STK36: variants seen among roughly 807,000 people sequenced by gnomAD.
STK36 encodes the protein serine/threonine kinase 36.
Under a neutral mutation model 142.2 loss-of-function variants are expected in STK36, and 116 were observed. That is an observed-to-expected ratio of 0.82 (90% CI 0.70 to 0.95). The LOEUF is 0.95. Ranked by LOEUF, STK36 falls within the 40% of genes least tolerant of loss-of-function variation. The pLI is 0.00. For missense variants in STK36, 1,422 were observed against 1,617.2 expected (o/e 0.88, Z 2.07); for synonymous variants, 619 against 641.7 (o/e 0.96, Z 0.53).
At chr2:218,699,505 A>G (rs928928667) in intron 26 of STK36, among the ~76,000 whole-genome samples, 157 bp downstream of exon 26, 7 of 151,436 alleles carry the variant, frequency 4.6e-5, no homozygotes, top group African/African-American at 1.7e-4. Context: ...TTCTAGTTAC[A>G]TCTCCTGCCT....
intron 4 of STK36, 113 bp from the exon 5 acceptor site, chr2:218,675,230 A>G: frequency 8.4e-7 from 1 of 1,193,100 alleles, no homozygotes; most frequent in Non-Finnish European, 1.2e-6. Context: ...GAAGCTCTGC[A>G]AGAAAGGGAA....
At chr2:218,680,942 TATTA>T (rs761212556) in intron 10 of STK36, among the ~76,000 whole-genome samples, 60 of 152,358 alleles carry the variant, frequency 3.9e-4, no homozygotes, top group South Asian at 2.9e-3. Context: ...TGACCAGTGT[TATTA>T]ATTTAGTCCG....
intron 12 of STK36, 131 bp from the exon 13 acceptor site, chr2:218,689,728 C>G: frequency 1.4e-6 from 1 of 731,054 alleles, no homozygotes; most frequent in Non-Finnish European, 2.2e-6. Flanking sequence ...CTCTCTCTGC[C>G]TATACTTCTC....
Position 218,672,187 on chromosome 2 carries a change from ACTT to A in STK36, c.-115_-113del. The A allele has an allele frequency of 1.7e-6, 1 of 596,666 alleles. No homozygotes were observed. The highest frequency in any genetic ancestry group is 3.0e-6 in the Non-Finnish European group (1 of 335,096). 37.0% of individuals were successfully genotyped at this position (596,666 alleles called of 1,614,324 possible). A position where few individuals can be genotyped will look rare whatever the true frequency, so the allele number is the denominator to read the frequency against. ...ACCTCTGAGCGCCTTTGTCCTCTGAACTTCTCACCAGTTCTAGCGAGTAAAATT... is the reference window on the plus strand; with the variant it reads ...ACCTCTGAGCGCCTTTGTCCTCTGAACTCACCAGTTCTAGCGAGTAAAATT... On this transcript the variant is annotated 5_prime_UTR_variant, in exon 1 of 27. Transcript: ENST00000295709.
chr2:218,683,541 G>T (rs1041534152), intron 10 of STK36, among the ~76,000 whole-genome samples: 6 of 152,062 alleles, frequency 3.9e-5, no homozygotes, highest in African/African-American at 1.4e-4. Context: ...TTGAAGTGCT[G>T]GGATTACAGG....
rs1043608022 is a variant in STK36 at position 218,686,739 on chromosome 2, T to C, written c.1380+1511T>C. On this transcript the variant is annotated intron_variant, in intron 11 of 26. Coordinates refer to ENST00000295709, the MANE Select transcript of STK36 (RefSeq NM_015690.5). ...GCTGCTATGAACATTCACAAGCAAG[T>C]CTATGTATGGATAAATGTTTTTATT... is the stretch of plus-strand genomic sequence containing the variant. Among the ~76,000 whole-genome samples the C allele has an allele frequency of 2.6e-4, 40 of 152,354 alleles. 1 individual carries two copies. Among genetic ancestry groups the C allele is most frequent in the Non-Finnish European group, 4.0e-4 (27 of 68,030 alleles).
intron 9 of STK36, 108 bp downstream of exon 9, chr2:218,680,188 T>A: frequency 3.9e-6 from 4 of 1,038,820 alleles, no homozygotes; most frequent in Non-Finnish European, 5.7e-6. Flanking sequence ...TGCCTAAACA[T>A]GGATAGAGCC....
chr2:218,682,452 C>G (rs1032904154), intron 10 of STK36, among the ~76,000 whole-genome samples: 1 of 152,284 alleles, frequency 6.6e-6, no homozygotes, highest in South Asian at 2.1e-4. Context: ...AGAAATTTAA[C>G]ATTGATATAA....
At chr2:218,697,394 G>C in intron 23 of STK36, 69 bp from the exon 24 acceptor site, 1 of 1,584,648 alleles carries the variant, frequency 6.3e-7, no homozygotes, top group Admixed American at 1.7e-5. Context: ...AGCCCTGGGA[G>C]CTGTGGGGAA....
At chr2:218,677,821 T>C (rs1940322555) in intron 6 of STK36, among the ~76,000 whole-genome samples, 1 of 152,122 alleles carries the variant, frequency 6.6e-6, no homozygotes, top group African/African-American at 2.4e-5. Context: ...GATGGAGTCT[T>C]ACTCTGTCAC....
intron 2 of STK36, 145 bp downstream of exon 2, chr2:218,673,058 A>C: frequency 1.5e-6 from 1 of 671,680 alleles, no homozygotes; most frequent in East Asian, 3.0e-5. Flanking sequence ...ATAAGCTTTG[A>C]AGTTGGATTA....
Position 218,697,110 on chromosome 2 carries a change from C to T in STK36, c.2658C>T (p.Ser886=), listed in dbSNP as rs370305233. The T allele has an allele frequency of 2.1e-5, 34 of 1,614,062 alleles. No individual in the cohort carries two copies. Among genetic ancestry groups the T allele is most frequent in the African/African-American group, 2.7e-5 (2 of 74,932 alleles). Residue 886 remains serine (S), a synonymous_variant, in exon 23 of 27, where the codon TCC becomes TCT. Transcript: ENST00000295709. ...GGACCGTTTTGTGGCACCGCTTCTCCATGGTCCTGAGGCTCCCCGAGGAGG... is the reference window on the plus strand; with the variant it reads ...GGACCGTTTTGTGGCACCGCTTCTCTATGGTCCTGAGGCTCCCCGAGGAGG... ...EMWTVLWHRF[S]MVLRLPEEAS... is the part of the protein sequence containing the mutation.
At position 218,685,135 on chromosome 2, in the gene STK36, T is replaced by C; in HGVS notation, c.1287T>C (p.Pro429=). ...EWQHLLETTE[P]VPIQLKAPLT... ...AGCACCTGCTAGAGACCACTGAGCCTGTGCCTATTCAACTGAAGGCTCCTC... is the reference window on the plus strand; with the variant it reads ...AGCACCTGCTAGAGACCACTGAGCCCGTGCCTATTCAACTGAAGGCTCCTC... Residue 429 remains proline, a synonymous_variant, in exon 11 of 27, where the codon CCT becomes CCC. Transcript: ENST00000295709. 3.1e-6 allele frequency: 5 copies of C among 1,614,218 alleles called. No individual in the cohort carries two copies. Among genetic ancestry groups the C allele is most frequent in the Non-Finnish European group, 4.2e-6 (5 of 1,180,032 alleles).
chr2:218,687,944 G>C (rs951062776), intron 11 of STK36, among the ~76,000 whole-genome samples: 4 of 152,140 alleles, frequency 2.6e-5, no homozygotes, highest in Non-Finnish European at 5.9e-5. Context: ...GATCACTTGA[G>C]GTCAGGAGTT....
At chr2:218,672,658 C>G in intron 1 of STK36, 83 bp from the exon 2 acceptor site, 2 of 603,718 alleles carry the variant, frequency 3.3e-6, no homozygotes, top group South Asian at 3.9e-5. Flanking sequence ...GCATTCCACC[C>G]TCCCATGTTT....
At chr2:218,700,169 C>T (rs1452437146) in intron 26 of STK36, among the ~76,000 whole-genome samples, 2 of 152,072 alleles carry the variant, frequency 1.3e-5, no homozygotes, top group African/African-American at 4.8e-5. Context: ...GATCCACCTG[C>T]CTTGGCCTCC....
chr2:218,672,122 T>C lies in STK36; in HGVS notation c.-183T>C, dbSNP rs1418587816. ...ATGGCCCTGAGGCAGTTCGGATGTG[T>C]CCCAGGAAGTGCCCATGTGTGGTCC... On this transcript the variant is annotated 5_prime_UTR_variant, in exon 1 of 27. Transcript: ENST00000295709. The C allele has an allele frequency of 2.3e-6, 2 of 854,048 alleles. No individual in the cohort carries two copies. Among genetic ancestry groups the C allele is most frequent in the South Asian group, 3.2e-5 (2 of 62,154 alleles). The allele number at this position is 854,048 out of a possible 1,614,324, so 52.9% of individuals were successfully genotyped here. A position where few individuals can be genotyped will look rare whatever the true frequency, so the allele number is the denominator to read the frequency against.
chr2:218,678,424 G>T (rs1003794360), intron 6 of STK36, among the ~76,000 whole-genome samples: 2 of 152,164 alleles, frequency 1.3e-5, no homozygotes. Context: ...TAATCTAAAT[G>T]AAGGAATCTT....
At position 218,698,972 on chromosome 2, in the gene STK36, T is replaced by C. The variant is rs1037395758; in HGVS notation, c.3428T>C (p.Leu1143Pro). The change falls in exon 26 of 27, where the codon CTG becomes CCG. Residue 1143 changes from leucine to proline, a missense_variant. Transcript: ENST00000295709. Reference sequence around the variant, plus strand: ...CACTTGCTCCAACACAGCATGGCCCTGCGTGGGGCACTGCAGAGCCAGTCT... The same window carrying C: ...CACTTGCTCCAACACAGCATGGCCCCGCGTGGGGCACTGCAGAGCCAGTCT... ...LGHLLQHSMA[L>P]RGALQSQSGL... is the part of the protein sequence containing the mutation. 9 of 1,614,024 alleles carry C rather than the reference T, an allele frequency of 5.6e-6. No individual in the cohort carries two copies. The highest frequency in any genetic ancestry group is 6.8e-6 in the Non-Finnish European group (8 of 1,180,028).
Sources: gnomAD v4.1 joint callset for allele counts (sites outside exome capture counted in the v4.1 genomes callset) on GRCh38, gnomAD v4.1.1 for gene constraint, MANE v1.5 for transcripts, NCBI Gene and HGNC (gene_info 2026-07-23, HGNC 2026-07-21) for gene names.